Variants in PCDHGB4 observed in about 807,000 individuals in gnomAD.
PCDHGB4 encodes the protein protocadherin gamma-B4.
Under a neutral mutation model 60.5 loss-of-function variants are expected in PCDHGB4, and 38 were observed. The ratio of observed to expected loss-of-function variants is 0.63; its 90% CI spans 0.48 to 0.82. The LOEUF (loss-of-function observed/expected upper bound fraction) is 0.82, where lower values mean the gene tolerates loss of function less well. PCDHGB4 is among the 40% of genes least tolerant of loss of function. The probability of loss-of-function intolerance (pLI) is 0.00; values close to 1 mark genes in which losing one functional copy is unlikely to be tolerated. For synonymous variants in PCDHGB4, 456 were observed against 509.7 expected (o/e 0.89, Z 1.42); for missense variants, 1,109 against 1,209.6 (o/e 0.92, Z 1.23).
At chr5:141,461,394 G>A (rs2099014614) in intron 1 of PCDHGB4, among the ~76,000 whole-genome samples, 1 of 152,098 alleles carries the variant, frequency 6.6e-6, no homozygotes. Flanking sequence ...GATTAGCGAT[G>A]TTGAGCATTT....
In PCDHGB4 at chr5:141,489,739, G is replaced by A; in HGVS notation, c.2398-5068G>A. On this transcript the variant is annotated intron_variant, in intron 1 of 3. Transcript: ENST00000519479. The surrounding 1 kb of genome is among the most constrained non-coding windows in gnomAD (Gnocchi z 4.5). Reference sequence around the variant, plus strand: ...GGATCCGGATGTGGGCACCAATACTGTGAGCTTTTACACTCTAAGCCCCAA... The same window carrying A: ...GGATCCGGATGTGGGCACCAATACTATGAGCTTTTACACTCTAAGCCCCAA... 3 of 1,614,170 alleles carry A rather than the reference G, an allele frequency of 1.9e-6. No homozygotes were observed. The highest frequency in any genetic ancestry group is 2.2e-5 in the South Asian group (2 of 91,076).
chr5:141,439,115 C>A (rs2098087976), intron 1 of PCDHGB4, among the ~76,000 whole-genome samples: 1 of 151,476 alleles, frequency 6.6e-6, no homozygotes, highest in Non-Finnish European at 1.5e-5. Context: ...ATCACTTGAA[C>A]CCGGGAGACA....
chr5:141,510,791 A>C (rs1244085822), intron 3 of PCDHGB4, 156 bp from the exon 4 acceptor site: 1 of 929,250 alleles, frequency 1.1e-6, no homozygotes, highest in Non-Finnish European at 1.3e-6. Context: ...AACTCTTGTG[A>C]AGAGAGACTA....
intron 1 of PCDHGB4, chr5:141,394,742 G>T: frequency 1.2e-6 from 2 of 1,613,420 alleles, no homozygotes; most frequent in Non-Finnish European, 1.7e-6. Flanking sequence ...AGAGCCTCGT[G>T]GTGGCCGTCC....
intron 2 of PCDHGB4, among the ~76,000 whole-genome samples, chr5:141,503,598 CAA>C (rs765754054): frequency 2.7e-4 from 18 of 65,718 alleles, no homozygotes; most frequent in Admixed American, 6.9e-4. Flanking sequence ...GACTCCAGCT[CAA>C]AAAAAAAAAA....
intron 1 of PCDHGB4, chr5:141,393,352 T>G: frequency 1.2e-6 from 2 of 1,613,956 alleles, no homozygotes; most frequent in African/African-American, 2.7e-5. Context: ...CACTTCTCCC[T>G]GGACGTGCAG....
intron 1 of PCDHGB4, among the ~76,000 whole-genome samples, chr5:141,460,793 A>T (rs954317795): frequency 2.0e-4 from 30 of 152,024 alleles, no homozygotes; most frequent in Non-Finnish European, 2.9e-5. Flanking sequence ...TATACACACA[A>T]AGTATATATA....
intron 1 of PCDHGB4, among the ~76,000 whole-genome samples, chr5:141,467,305 G>A (rs535466592): frequency 1.3e-5 from 2 of 152,078 alleles, no homozygotes; most frequent in African/African-American, 4.8e-5. Flanking sequence ...CACTCACCTC[G>A]GCCTCCCACA....
At chr5:141,460,961 A>ATATGTGTG (rs1463306338) in intron 1 of PCDHGB4, among the ~76,000 whole-genome samples, 3 of 144,556 alleles carry the variant, frequency 2.1e-5, no homozygotes, top group African/African-American at 7.8e-5. Context: ...GTATATATAT[A>ATATGTGTG]TGTGTGTGTG....
Position 141,486,885 on chromosome 5 carries a change from G to A in PCDHGB4, c.2398-7922G>A, listed in dbSNP as rs139638334. On this transcript the variant is annotated intron_variant, in intron 1 of 3. Transcript: ENST00000519479. The surrounding 1 kb of genome is among the most constrained non-coding windows in gnomAD (Gnocchi z 5.0). ...CCAGCTGTGCTCCGTCCTCGGGCCC[G>A]GCCTGGTTCCTTATGTCCCCAAGCA... is the stretch of plus-strand genomic sequence containing the variant. 16 of 1,614,076 alleles carry A rather than the reference G, an allele frequency of 9.9e-6. No individual in the cohort carries two copies. The highest frequency in any genetic ancestry group is 1.6e-4 in the Middle Eastern group (1 of 6,084).
At chr5:141,419,977 G>A (rs962684463) in intron 1 of PCDHGB4, 1 of 1,614,066 alleles carries the variant, frequency 6.2e-7, no homozygotes, top group Non-Finnish European at 8.5e-7. Context: ...TTCTCCTCGC[G>A]GTGATTCTAG....
chr5:141,462,209 C>T (rs1158675305), intron 1 of PCDHGB4, among the ~76,000 whole-genome samples: 6 of 152,172 alleles, frequency 3.9e-5, no homozygotes, highest in Non-Finnish European at 8.8e-5. Flanking sequence ...ATCCGCCTGC[C>T]TCGGCCTCCC....
intron 1 of PCDHGB4, among the ~76,000 whole-genome samples, chr5:141,407,497 G>GTTTTTTTTTTTTTT (rs1554102286): frequency 6.6e-6 from 1 of 152,090 alleles, no homozygotes; most frequent in African/African-American, 2.4e-5. Context: ...CTTTATTTCT[G>GTTTTTTTTTTTTTT]TTTTTCTTAG....
chr5:141,421,535 G>A, intron 1 of PCDHGB4: 7 of 1,614,032 alleles, frequency 4.3e-6, no homozygotes, highest in East Asian at 2.2e-5. Flanking sequence ...GTGTCCTCCT[G>A]TTTTTTAAAT....
intron 1 of PCDHGB4, among the ~76,000 whole-genome samples, chr5:141,457,124 ACT>A (rs1304231701): frequency 6.6e-6 from 1 of 152,158 alleles, no homozygotes; most frequent in Non-Finnish European, 1.5e-5. Context: ...AGCAATGGAA[ACT>A]CTGTCCAATA....
Position 141,399,560 on chromosome 5 carries a change from G to A in PCDHGB4, c.2397+9279G>A, listed in dbSNP as rs1354621756. The A allele has an allele frequency of 6.8e-6, 11 of 1,613,906 alleles. No homozygotes were observed. The Admixed American group carries it at 1.3e-4, about 20-fold the overall frequency. ...GTCTGCGCCTCGGACCTGGACTTGG[G>A]GTTGAACGGCCAAGTCTCCTACTCT... is the stretch of plus-strand genomic sequence containing the variant. On this transcript the variant is annotated intron_variant, in intron 1 of 3. Coordinates refer to ENST00000519479, the MANE Select transcript of PCDHGB4 (RefSeq NM_003736.4).
At chr5:141,483,812 A>C (rs1188806533) in intron 1 of PCDHGB4, among the ~76,000 whole-genome samples, 2 of 152,162 alleles carry the variant, frequency 1.3e-5, no homozygotes, top group Non-Finnish European at 2.9e-5. Context: ...TTTTTTTGGC[A>C]GCCAGTGTAA....
intron 1 of PCDHGB4, among the ~76,000 whole-genome samples, chr5:141,460,983 GTA>G (rs59296681): frequency 1.2e-4 from 16 of 137,836 alleles, no homozygotes; most frequent in East Asian, 2.1e-4. Context: ...GTGTGTGTGT[GTA>G]TATATATATA....
At chr5:141,462,100 G>T (rs1202526885) in intron 1 of PCDHGB4, among the ~76,000 whole-genome samples, 1 of 152,164 alleles carries the variant, frequency 6.6e-6, no homozygotes, top group Non-Finnish European at 1.5e-5. Flanking sequence ...TGGGATTACA[G>T]GCATGAGCCA....
Sources: gnomAD v4.1 joint callset for allele counts (sites outside exome capture counted in the v4.1 genomes callset) on GRCh38, gnomAD v4.1.1 for gene constraint, Gnocchi (gnomAD v3.1) non-coding constraint, MANE v1.5 for transcripts, NCBI Gene and HGNC (gene_info 2026-07-23, HGNC 2026-07-21) for gene names.